ZFPM1: variants seen among roughly 807,000 people sequenced by gnomAD.
ZFPM1 encodes zinc finger protein, FOG family member 1.
ZFPM1 carries 28 observed loss-of-function variants against 46.3 expected under a neutral mutation model. That is an observed-to-expected ratio of 0.60 (90% CI 0.45 to 0.83). ZFPM1 has a LOEUF of 0.83. Among genes scored for constraint, ZFPM1 ranks in the 40% least tolerant of loss-of-function variants. ZFPM1 has a pLI of 0.00. For synonymous variants in ZFPM1, 957 were observed against 675.9 expected (o/e 1.42, Z -6.45); for missense variants, 1,878 against 1,432.4 (o/e 1.31, Z -5.02).
chr16:88,507,333 G>C (rs1050139790), intron 3 of ZFPM1, among the ~76,000 whole-genome samples: 1 of 152,224 alleles, frequency 6.6e-6, no homozygotes, highest in African/African-American at 2.4e-5. Flanking sequence ...AGAGCTCAGA[G>C]ATGGGAAGCT....
intron 3 of ZFPM1, among the ~76,000 whole-genome samples, chr16:88,500,202 G>A (rs1910173426): frequency 6.6e-6 from 1 of 152,068 alleles, no homozygotes; most frequent in African/African-American, 2.4e-5. Flanking sequence ...TCGGGGGCAG[G>A]CCCACCAGAG....
At chr16:88,462,966 C>G (rs1249981078) in intron 1 of ZFPM1, among the ~76,000 whole-genome samples, 1 of 148,012 alleles carries the variant, frequency 6.8e-6, no homozygotes, top group Non-Finnish European at 1.5e-5. Flanking sequence ...AGGGCAGGGG[C>G]CCCCCTCCCC....
intron 1 of ZFPM1, among the ~76,000 whole-genome samples, chr16:88,477,032 C>T (rs1462986359): frequency 1.3e-5 from 2 of 152,048 alleles, no homozygotes; most frequent in African/African-American, 4.8e-5. Context: ...TCCACACCAT[C>T]GCAGACCGGG....
In ZFPM1 at chr16:88,534,072, A is replaced by G. The variant is rs1338519650; in HGVS notation, c.2114A>G (p.Tyr705Cys). 1.6e-6 allele frequency: 2 copies of G among 1,225,126 alleles called. No homozygotes were observed. The highest frequency in any genetic ancestry group is 2.9e-5 in the Admixed American group (1 of 34,256). 75.9% of individuals were successfully genotyped at this position (1,225,126 alleles called of 1,614,324 possible). ...HETYTVHKRY[Y>C]CASRHDPPPR... ...ACCTACACCGTGCACAAGCGGTACTACTGCGCCTCGCGCCACGACCCGCCG... is the reference window on the plus strand; with the variant it reads ...ACCTACACCGTGCACAAGCGGTACTGCTGCGCCTCGCGCCACGACCCGCCG... The change falls in exon 10 of 10, where the codon TAC becomes TGC. Residue 705 changes from tyrosine (Y) to cysteine (C), a missense_variant. Transcript: ENST00000319555.
intron 4 of ZFPM1, chr16:88,522,143 A>T (rs1482433595): frequency 6.6e-6 from 1 of 152,582 alleles, no homozygotes; most frequent in Non-Finnish European, 1.5e-5. Flanking sequence ...GGAGTGAGTG[A>T]GTGTGTGACC....
chr16:88,486,688 G>T (rs1909246656), intron 2 of ZFPM1, among the ~76,000 whole-genome samples: 1 of 151,448 alleles, frequency 6.6e-6, no homozygotes, highest in Non-Finnish European at 1.5e-5. Context: ...GGTACACAGT[G>T]GGTGCTGGGT....
rs575438749 is a variant in ZFPM1, at chr16:88,526,805, C to G, written c.403-9C>G. 5.5e-5 allele frequency: 85 copies of G among 1,539,000 alleles called. 1 individual carries two copies. The highest frequency in any genetic ancestry group is 6.5e-5 in the Non-Finnish European group (74 of 1,139,284). On this transcript the variant is annotated splice_polypyrimidine_tract_variant and intron_variant, in intron 4 of 9. Transcript: ENST00000319555. ...CCCCTCCCCACGTGTTCCTACCCTC[C>G]CCCCCCAGAGCCCAGCCCTGACCCT... is the stretch of plus-strand genomic sequence containing the variant.
rs1444567970 is a variant in ZFPM1, at chr16:88,534,649, C to T, written c.2691C>T (p.Asp897=). The T allele has an allele frequency of 7.8e-6, 8 of 1,027,270 alleles. No homozygotes were observed. The highest frequency in any genetic ancestry group is 9.3e-6 in the Non-Finnish European group (8 of 859,936). The allele number at this position is 1,027,270 out of a possible 1,614,324, so 63.6% of individuals were successfully genotyped here. A position where few individuals can be genotyped will look rare whatever the true frequency, so the allele number is the denominator to read the frequency against. ...GGGTCGAGGCCCGGACGCCGGCCGACCGCGGCCCCTCGCCCGCTCCCGCCC... is the reference window on the plus strand; with the variant it reads ...GGGTCGAGGCCCGGACGCCGGCCGATCGCGGCCCCTCGCCCGCTCCCGCCC... ...GPGVEARTPA[D]RGPSPAPAPA... is the part of the protein sequence containing the mutation. The change falls in exon 10 of 10, where the codon GAC becomes GAT. Residue 897 remains aspartate (D), a synonymous_variant. Coordinates refer to ENST00000319555, the MANE Select transcript of ZFPM1 (RefSeq NM_153813.3).
At chr16:88,510,102 G>A (rs928773919) in intron 3 of ZFPM1, among the ~76,000 whole-genome samples, 6 of 152,074 alleles carry the variant, frequency 3.9e-5, no homozygotes, top group South Asian at 2.1e-4. Flanking sequence ...TGGCTGCACC[G>A]GCAGACACAC....
Position 88,534,252 on chromosome 16 carries a change from C to T in ZFPM1, c.2294C>T (p.Ala765Val), listed in dbSNP as rs1305552021. 4.8e-6 allele frequency: 5 copies of T among 1,040,748 alleles called. No individual in the cohort carries two copies. The East Asian group carries it at 2.4e-4, about 50-fold the overall frequency. 64.5% of individuals were successfully genotyped at this position (1,040,748 alleles called of 1,614,324 possible). The change falls in exon 10 of 10, where the codon GCG becomes GTG. Residue 765 changes from alanine (A) to valine (V), a missense_variant. Ala to Val is a moderately conservative substitution (Grantham distance 64, BLOSUM62 0). Transcript: ENST00000319555. ...CCCCCGCCGCCCGGCCACGCCCCCG[C>T]GCCCGAGTCGCCGCGGCCCGGAAGC... ...PPPPPPGHAP[A>V]PESPRPGSGS...
rs561838574 is a variant in ZFPM1, at chr16:88,493,680, C to T, written c.268+4527C>T. On this transcript the variant is annotated intron_variant, in intron 3 of 9. Transcript: ENST00000319555. ...GGGTGCGGGGAGCTGTCCCGGGTTGCGGAGAGCTGTCCTGGCATGCACATG... is the reference window on the plus strand; with the variant it reads ...GGGTGCGGGGAGCTGTCCCGGGTTGTGGAGAGCTGTCCTGGCATGCACATG... Among the ~76,000 whole-genome samples the T allele has an allele frequency of 2.0e-5, 3 of 149,440 alleles. No individual in the cohort carries two copies. The South Asian group carries it at 6.3e-4, about 31-fold the overall frequency.
intron 3 of ZFPM1, among the ~76,000 whole-genome samples, chr16:88,504,367 G>A (rs1910538488): frequency 6.6e-6 from 1 of 152,144 alleles, no homozygotes; most frequent in South Asian, 2.1e-4. Flanking sequence ...TCAGGCCTCA[G>A]GGTCCCCAAA....
intron 1 of ZFPM1, among the ~76,000 whole-genome samples, chr16:88,475,951 C>T (rs1002102690): frequency 2.6e-5 from 4 of 152,136 alleles, no homozygotes; most frequent in African/African-American, 9.6e-5. Context: ...AGGTCCACCC[C>T]TCGGTTACTG....
At chr16:88,516,552 T>C (rs1262093998) in intron 4 of ZFPM1, 1 of 398,492 alleles carries the variant, frequency 2.5e-6, no homozygotes, top group African/African-American at 2.1e-5. Flanking sequence ...AACCCTTATC[T>C]CCCCAGCGAG....
At chr16:88,531,944 C>G in intron 6 of ZFPM1, 58 bp from the exon 7 acceptor site, 1 of 1,520,798 alleles carries the variant, frequency 6.6e-7, no homozygotes, top group Non-Finnish European at 8.9e-7. Flanking sequence ...CGCCCACAGC[C>G]TTGCCCTGGC....
chr16:88,485,302 C>T (rs1381027157), intron 1 of ZFPM1, among the ~76,000 whole-genome samples: 2 of 152,294 alleles, frequency 1.3e-5, no homozygotes, highest in South Asian at 4.1e-4. Context: ...GACACGGGGT[C>T]CGCGGCCCTT....
intron 4 of ZFPM1, among the ~76,000 whole-genome samples, chr16:88,524,314 G>C (rs1198770639): frequency 6.6e-6 from 1 of 152,324 alleles, no homozygotes; most frequent in East Asian, 1.9e-4. Context: ...CTTTGTGCCA[G>C]GAATGTGCCT....
chr16:88,455,092 C>A (rs1268284358), intron 1 of ZFPM1, among the ~76,000 whole-genome samples: 1 of 150,962 alleles, frequency 6.6e-6, no homozygotes, highest in Non-Finnish European at 1.5e-5. Flanking sequence ...GCTCTGGTTT[C>A]TTTTTCCTTC....
intron 2 of ZFPM1, among the ~76,000 whole-genome samples, chr16:88,487,735 C>A (rs1182438682): frequency 6.6e-6 from 1 of 152,206 alleles, no homozygotes; most frequent in African/African-American, 2.4e-5. Flanking sequence ...TGCACATGCC[C>A]AGCCTGCTGC....
Sources: allele counts gnomAD v4.1 joint callset (sites outside exome capture counted in the v4.1 genomes callset), GRCh38; gene constraint gnomAD v4.1.1; transcripts MANE v1.5; gene names NCBI Gene and HGNC (gene_info 2026-07-23, HGNC 2026-07-21).